KIF21A: variants seen among roughly 807,000 people sequenced by gnomAD.
KIF21A encodes the protein kinesin-like protein KIF21A.
A neutral mutation model predicts 202.9 loss-of-function variants in KIF21A; 114 were observed. That is an observed-to-expected ratio of 0.56 (90% confidence interval 0.48 to 0.66). KIF21A has a LOEUF of 0.66. KIF21A is among the 30% of genes least tolerant of loss of function. The pLI is 0.00. For synonymous variants in KIF21A, 667 were observed against 670.8 expected, an observed-to-expected ratio of 0.99 and a Z score of 0.09; for missense variants, 1,677 against 1,994.9, an observed-to-expected ratio of 0.84 and a Z score of 3.04.
chr12:39,418,242 G>GA (rs1953945832), intron 1 of KIF21A, among the ~76,000 whole-genome samples: 2 of 151,088 alleles, frequency 1.3e-5, no homozygotes, highest in Admixed American at 1.3e-4. Context: ...AAAACATCCA[G>GA]AAAACATTGA....
chr12:39,316,086 T>C, intron 29 of KIF21A, 116 bp from the exon 30 acceptor site: 1 of 771,066 alleles, frequency 1.3e-6, no homozygotes, highest in South Asian at 1.4e-5. Flanking sequence ...AAACATTTCC[T>C]TCATAGTGCC....
At chr12:39,436,759 A>G (rs1236842537) in intron 1 of KIF21A, among the ~76,000 whole-genome samples, 2 of 152,144 alleles carry the variant, frequency 1.3e-5, no homozygotes, top group African/African-American at 4.8e-5. Flanking sequence ...TTTGCTTCAA[A>G]TAATGCCTGA....
intron 7 of KIF21A, 57 bp downstream of exon 7, chr12:39,363,041 G>C: frequency 9.1e-7 from 1 of 1,095,530 alleles, no homozygotes; most frequent in Non-Finnish European, 1.4e-6. Flanking sequence ...CATCTTACAA[G>C]CTTATTTAAT....
intron 1 of KIF21A, among the ~76,000 whole-genome samples, chr12:39,420,254 C>T (rs1185077505): frequency 1.3e-5 from 2 of 151,806 alleles, no homozygotes; most frequent in African/African-American, 4.8e-5. Flanking sequence ...ACTACAGGGG[C>T]AAAGGTACAT....
At chr12:39,333,670 G>A (rs138409032) in intron 17 of KIF21A, among the ~76,000 whole-genome samples, 1 of 152,148 alleles carries the variant, frequency 6.6e-6, no homozygotes, top group African/African-American at 2.4e-5. Context: ...TTTCAATAGA[G>A]TCATCTTATA....
At chr12:39,301,224 AG>A (rs1942926534) in intron 37 of KIF21A, among the ~76,000 whole-genome samples, 5 of 152,324 alleles carry the variant, frequency 3.3e-5, no homozygotes, top group African/African-American at 1.2e-4. Context: ...AAAATCATCA[AG>A]GAAACATGTG....
chr12:39,436,743 C>T (rs1463069877), intron 1 of KIF21A, among the ~76,000 whole-genome samples: 1 of 151,662 alleles, frequency 6.6e-6, no homozygotes, highest in African/African-American at 2.4e-5. Flanking sequence ...TTTGGCTTGG[C>T]TGTCATTTGC....
chr12:39,346,986 C>G (rs1947951006), intron 11 of KIF21A, among the ~76,000 whole-genome samples: 1 of 151,664 alleles, frequency 6.6e-6, no homozygotes, highest in Non-Finnish European at 1.5e-5. Flanking sequence ...ATACTACATT[C>G]TAGGATACTA....
chr12:39,431,414 T>C (rs1207859323), intron 1 of KIF21A, among the ~76,000 whole-genome samples: 3 of 152,090 alleles, frequency 2.0e-5, no homozygotes, highest in Non-Finnish European at 4.4e-5. Flanking sequence ...AAAGCCAAGT[T>C]TGGACAAGTA....
Position 39,395,897 on chromosome 12 carries a change from C to T in KIF21A, c.45-25636G>A, listed in dbSNP as rs139559455. 5.3e-5 allele frequency among the ~76,000 whole-genome samples: 8 copies of T among 151,600 alleles called. No homozygotes were observed. The East Asian group carries it at 1.6e-3, about 29-fold the overall frequency. On this transcript the variant is annotated intron_variant, in intron 1 of 37. Coordinates refer to ENST00000361418, the MANE Select transcript of KIF21A (RefSeq NM_001173464.2). ...TCACCCACTTTCTTTTTCTTCCTTC[C>T]CCCCGCCTCTCCTCTTCATTCCTTC... is the stretch of plus-strand genomic sequence containing the variant.
At chr12:39,368,282 T>C (rs1030846749) in intron 3 of KIF21A, among the ~76,000 whole-genome samples, 1 of 152,190 alleles carries the variant, frequency 6.6e-6, no homozygotes, top group Non-Finnish European at 1.5e-5. Context: ...CTAGCTAAAA[T>C]GATCTACTAA....
In KIF21A at chr12:39,341,837, GCTTTCACAATA is replaced by G. The variant is rs1418062625; in HGVS notation, c.1803+186_1803+196del. 2.6e-5 allele frequency among the ~76,000 whole-genome samples: 4 copies of G among 152,200 alleles called. No homozygotes were observed. In the East Asian group the frequency reaches 7.7e-4, roughly 29 times the overall value. On this transcript the variant is annotated intron_variant, in intron 13 of 37. Transcript: ENST00000361418. ...TCTACCCCTGACTCCCCAACACAAT[GCTTTCACAATA>G]CATAAGATTGAGAGTTGTCAATATT...
chr12:39,354,466 T>C (rs925344964), intron 10 of KIF21A, among the ~76,000 whole-genome samples: 3 of 152,152 alleles, frequency 2.0e-5, no homozygotes, highest in Non-Finnish European at 4.4e-5. Flanking sequence ...TCTCTTACAT[T>C]TTCCTATATT....
intron 1 of KIF21A, among the ~76,000 whole-genome samples, chr12:39,386,239 C>T (rs1950938582): frequency 6.6e-6 from 1 of 152,106 alleles, no homozygotes; most frequent in South Asian, 2.1e-4. Flanking sequence ...GGATGGGCCT[C>T]CTCTTTTTTT....
intron 11 of KIF21A, among the ~76,000 whole-genome samples, chr12:39,350,107 T>C (rs117430743): frequency 0.01 from 1,553 of 152,110 alleles, 7 homozygotes; most frequent in Non-Finnish European, 0.016. Context: ...TAATTATGTG[T>C]CTTTTTGTTA....
rs747309553 is a variant in KIF21A at position 39,332,566 on chromosome 12, CG to C, written c.2856+24del. On this transcript the variant is annotated intron_variant, in intron 20 of 37. Coordinates refer to ENST00000361418, the MANE Select transcript of KIF21A (RefSeq NM_001173464.2). ...AAATTAACAGTTAGCTAAGGGGGAG[CG>C]TATCTACTCTCTATTTTCCACACCT... 11 of 1,589,648 alleles carry C rather than the reference CG, an allele frequency of 6.9e-6. No homozygotes were observed. In the East Asian group the frequency reaches 2.3e-4, roughly 33 times the overall value.
intron 3 of KIF21A, among the ~76,000 whole-genome samples, chr12:39,369,256 C>T (rs972651436): frequency 1.3e-5 from 2 of 152,040 alleles, no homozygotes; most frequent in Admixed American, 6.6e-5. Context: ...GCCAGGAGTT[C>T]GAGACCAGCC....
intron 8 of KIF21A, 75 bp downstream of exon 8, chr12:39,358,103 G>T: frequency 8.1e-7 from 1 of 1,228,904 alleles, no homozygotes; most frequent in Non-Finnish European, 1.2e-6. Flanking sequence ...ACACGTATGT[G>T]TAAGGCATTA....
chr12:39,335,372 T>C (rs182561650), intron 17 of KIF21A, among the ~76,000 whole-genome samples: 8 of 146,288 alleles, frequency 5.5e-5, no homozygotes, highest in South Asian at 2.2e-4. Flanking sequence ...AGATCATGCA[T>C]TGCACTCCAG....
Sources: allele counts gnomAD v4.1 joint callset (sites outside exome capture counted in the v4.1 genomes callset), GRCh38; gene constraint gnomAD v4.1.1; transcripts MANE v1.5; gene names NCBI Gene and HGNC (gene_info 2026-07-23, HGNC 2026-07-21).